The following ARHGAP6 variants were observed in gnomAD, a reference collection of about 807,000 sequenced individuals.
ARHGAP6 encodes Rho GTPase activating protein 6.
In ARHGAP6, 16 loss-of-function variants were observed where a neutral mutation model predicts 55.7. The observed-to-expected ratio is 0.29, with a 90% CI of 0.19 to 0.44. The LOEUF is 0.44. ARHGAP6 is among the 20% of genes least tolerant of loss of function. The pLI, the probability that ARHGAP6 is intolerant of heterozygous loss-of-function variation, is 1.00. For missense variants in ARHGAP6, 698 were observed against 808.9 expected, an observed-to-expected ratio of 0.86 and a Z score of 1.66; for synonymous variants, 382 against 360.9, an observed-to-expected ratio of 1.06 and a Z score of -0.66.
rs760155100 is a variant in ARHGAP6 at position 11,577,889 on chromosome X, A to G, written c.588+86352T>C. 5.2e-4 allele frequency among the ~76,000 whole-genome samples: 58 copies of G among 110,986 alleles called. No individual in the cohort carries two copies. The South Asian group carries it at 0.021, about 40-fold the overall frequency. The stretch of plus-strand genomic sequence containing the variant: ...AGTCATCATCTTTCGGCCGATACCT[A>G]TATTGCCTCCTTTCTGGTCCCCAGC... On this transcript the variant is annotated intron_variant, in intron 1 of 12. Coordinates refer to ENST00000337414, the MANE Select transcript of ARHGAP6 (RefSeq NM_013427.3).
At chrX:11,479,236 G>A (rs753520113) in intron 1 of ARHGAP6, among the ~76,000 whole-genome samples, 4 of 111,926 alleles carry the variant, frequency 3.6e-5, no homozygotes, top group South Asian at 7.5e-4. Flanking sequence ...AGTGCCTGCC[G>A]CACAAGAAGC....
At chrX:11,225,768 T>G in intron 2 of ARHGAP6, 2 of 474,945 alleles carry the variant, frequency 4.2e-6, no homozygotes, top group Non-Finnish European at 6.8e-6. Flanking sequence ...TCTGTTCTAT[T>G]TGGTAACACA....
At chrX:11,168,707 A>T (rs2046048572) in intron 9 of ARHGAP6, among the ~76,000 whole-genome samples, 1 of 112,263 alleles carries the variant, frequency 8.9e-6, no homozygotes, top group African/African-American at 3.2e-5. Context: ...GGGAGAAAAA[A>T]CATGAAGAAG....
intron 1 of ARHGAP6, among the ~76,000 whole-genome samples, chrX:11,482,425 G>A (rs2050466481): frequency 9.0e-6 from 1 of 111,693 alleles, no homozygotes; most frequent in Non-Finnish European, 1.9e-5. Flanking sequence ...ACCTCTCCTG[G>A]AGGCACCCTA....
At chrX:11,557,964 T>A (rs1339986262) in intron 1 of ARHGAP6, among the ~76,000 whole-genome samples, 1 of 111,590 alleles carries the variant, frequency 9.0e-6, no homozygotes, top group Admixed American at 9.5e-5. Context: ...ACAGATACGG[T>A]GAGTAGACCT....
chrX:11,289,235 T>C (rs1473652207), intron 1 of ARHGAP6, among the ~76,000 whole-genome samples: 1 of 111,334 alleles, frequency 9.0e-6, no homozygotes, highest in Non-Finnish European at 1.9e-5. Flanking sequence ...TTTTTTTTTG[T>C]CTTGGATTTT....
At chrX:11,284,039 A>G (rs1569285316) in intron 1 of ARHGAP6, among the ~76,000 whole-genome samples, 1 of 112,068 alleles carries the variant, frequency 8.9e-6, no homozygotes, top group African/African-American at 3.2e-5. Flanking sequence ...AAGCTATCAT[A>G]TCTGTAGTCC....
Position 11,296,409 on chromosome X carries a change from G to T in ARHGAP6, c.589-41702C>A, listed in dbSNP as rs931613111. ...GTTTTATCAGCAAGTAAACTGTTGG[G>T]CAGGATAGGGTAGGATTCATTGAAA... On this transcript the variant is annotated intron_variant, in intron 1 of 12. Coordinates refer to ENST00000337414, the MANE Select transcript of ARHGAP6 (RefSeq NM_013427.3). Among the ~76,000 whole-genome samples the T allele has an allele frequency of 2.7e-5, 3 of 111,503 alleles. No homozygotes were observed. In the Admixed American group the frequency reaches 2.8e-4, roughly 11 times the overall value.
chrX:11,573,556 G>C (rs1305660912), intron 1 of ARHGAP6, among the ~76,000 whole-genome samples: 1 of 109,642 alleles, frequency 9.1e-6, no homozygotes, highest in Non-Finnish European at 1.9e-5. Context: ...TCTCTGTTTT[G>C]GTACCAGTAC....
At chrX:11,347,765 C>T (rs1318998870) in intron 1 of ARHGAP6, among the ~76,000 whole-genome samples, 1 of 111,744 alleles carries the variant, frequency 8.9e-6, no homozygotes, top group African/African-American at 3.3e-5. Flanking sequence ...CATGTCCTTC[C>T]ACTCCACGCC....
chrX:11,468,133 T>C (rs2050313943), intron 1 of ARHGAP6, among the ~76,000 whole-genome samples: 1 of 111,557 alleles, frequency 9.0e-6, no homozygotes. Flanking sequence ...GGGAGGTTTG[T>C]AGGATTCCAA....
At chrX:11,183,622 TC>T (rs1239225173) in intron 5 of ARHGAP6, among the ~76,000 whole-genome samples, 3 of 112,044 alleles carry the variant, frequency 2.7e-5, no homozygotes, top group Non-Finnish European at 5.6e-5. Flanking sequence ...AATCTGTGTT[TC>T]CTCCCTCTGT....
chrX:11,319,185 T>C (rs1267046041), intron 1 of ARHGAP6, among the ~76,000 whole-genome samples: 2 of 112,398 alleles, frequency 1.8e-5, no homozygotes, highest in Non-Finnish European at 1.9e-5. Context: ...TCTCTCAAAA[T>C]ATCTGTATTT....
chrX:11,244,963 A>C (rs761401507), intron 2 of ARHGAP6, among the ~76,000 whole-genome samples: 6 of 112,494 alleles, frequency 5.3e-5, no homozygotes, highest in Non-Finnish European at 7.5e-5. Flanking sequence ...GCTTGGCACC[A>C]ACATAGCATC....
chrX:11,514,798 A>T (rs759845148), intron 1 of ARHGAP6, among the ~76,000 whole-genome samples: 46 of 108,004 alleles, frequency 4.3e-4, no homozygotes, highest in Admixed American at 2.6e-3. Flanking sequence ...AATCAACTGA[A>T]TCTCCCTAAT....
intron 1 of ARHGAP6, among the ~76,000 whole-genome samples, chrX:11,279,561 C>G (rs1397062803): frequency 9.0e-6 from 1 of 110,597 alleles, no homozygotes; most frequent in African/African-American, 3.3e-5. Flanking sequence ...GCCTGTGTTC[C>G]AAGAGTTATG....
At chrX:11,364,846 T>C in intron 1 of ARHGAP6, among the ~76,000 whole-genome samples, 1 of 111,106 alleles carries the variant, frequency 9.0e-6, no homozygotes, top group East Asian at 2.9e-4. Context: ...CTAGCTTACT[T>C]TTCTGCCATT....
chrX:11,204,131 A>G (rs2046671678), intron 2 of ARHGAP6, among the ~76,000 whole-genome samples: 1 of 112,229 alleles, frequency 8.9e-6, no homozygotes, highest in Non-Finnish European at 1.9e-5. Context: ...CTGACTCTGA[A>G]TCTTTTTACA....
chrX:11,413,933 A>T (rs1162288785), intron 1 of ARHGAP6, among the ~76,000 whole-genome samples: 1 of 111,948 alleles, frequency 8.9e-6, no homozygotes, highest in African/African-American at 3.2e-5. Context: ...CTAACCTTTT[A>T]AAAAAATGTT....
Sources: allele counts gnomAD v4.1 joint callset (sites outside exome capture counted in the v4.1 genomes callset), GRCh38; gene constraint gnomAD v4.1.1; transcripts MANE v1.5; gene names NCBI Gene and HGNC (gene_info 2026-07-23, HGNC 2026-07-21).